AP3D1: variants seen among roughly 807,000 people sequenced by gnomAD.
AP3D1 encodes the protein adaptor related protein complex 3 subunit delta 1.
AP3D1 carries 51 observed loss-of-function variants against 147.6 expected under a neutral mutation model. The observed-to-expected ratio is 0.35, with a 90% CI of 0.28 to 0.44. AP3D1 has a LOEUF of 0.44. Among genes scored for constraint, AP3D1 ranks in the 20% least tolerant of loss-of-function variants. AP3D1 has a pLI of 1.00. For missense variants in AP3D1, 1,421 were observed against 1,624.2 expected (o/e 0.87, Z 2.15); for synonymous variants, 760 against 663.0 (o/e 1.15, Z -2.25).
intron 11 of AP3D1, among the ~76,000 whole-genome samples, chr19:2,122,386 T>G (rs1329288863): frequency 6.6e-6 from 1 of 152,110 alleles, no homozygotes; most frequent in East Asian, 1.9e-4. Flanking sequence ...CTGAACCCAT[T>G]CACATACTGC....
At chr19:2,132,854 T>G (rs1350478747) in intron 4 of AP3D1, among the ~76,000 whole-genome samples, 1 of 152,130 alleles carries the variant, frequency 6.6e-6, no homozygotes, top group Non-Finnish European at 1.5e-5. Context: ...AGGCACAGGC[T>G]GAAACGCTCT....
At chr19:2,115,063 C>G (rs77750904) in intron 20 of AP3D1, among the ~76,000 whole-genome samples, 156 bp downstream of exon 20, 1 of 152,184 alleles carries the variant, frequency 6.6e-6, no homozygotes, top group Non-Finnish European at 1.5e-5. Context: ...GACGCGTGCT[C>G]GAGGACAGAG....
rs772867835 is a variant in AP3D1, at chr19:2,114,223, G to C, written c.2503C>G (p.Pro835Ala). ...ETSKSPEKDV[P>A]MVEKKSKKPK... Reference sequence around the variant, plus strand: ...TTCTTGCTCTTCTTTTCTACCATGGGAACGTCCTTCTCAGGGGATTTTGAG... The same window carrying C: ...TTCTTGCTCTTCTTTTCTACCATGGCAACGTCCTTCTCAGGGGATTTTGAG... The change falls in exon 22 of 32, where the codon CCC becomes GCC. Residue 835 changes from proline to alanine, a missense_variant. Around this residue, in one of 6 missense-constraint regions of AP3D1, gnomAD observed 791 missense variants for 761.4 expected, o/e 1.04. Coordinates refer to ENST00000643116, the MANE Select transcript of AP3D1 (RefSeq NM_001261826.3). 6.2e-7 allele frequency: 1 copy of C among 1,612,494 alleles called. No homozygotes were observed. Among genetic ancestry groups the C allele is most frequent in the South Asian group, 1.1e-5 (1 of 90,948 alleles).
rs1362186675 is a variant in AP3D1 at position 2,137,626 on chromosome 19, A to C, written c.273+101T>G. ...AATCCACCTTGGGTAACAGAGCTAG[A>C]CTCTGTCTCAAGAATAATAATAATA... On this transcript the variant is annotated intron_variant, in intron 3 of 31. Transcript: ENST00000643116. The C allele has an allele frequency of 2.9e-6, 3 of 1,023,362 alleles. No individual in the cohort carries two copies. The East Asian group carries it at 7.2e-5, about 25-fold the overall frequency. 63.4% of individuals were successfully genotyped at this position (1,023,362 alleles called of 1,614,324 possible).
intron 29 of AP3D1, 64 bp downstream of exon 29, chr19:2,109,809 G>A (rs2018215396): frequency 6.8e-7 from 1 of 1,476,956 alleles, no homozygotes; most frequent in South Asian, 1.1e-5. Context: ...GGGCACAGGT[G>A]TCTGCAAGGT....
At chr19:2,155,675 C>G (rs2019639631), upstream of AP3D1, among the ~76,000 whole-genome samples, 1 of 152,118 alleles carries the variant, frequency 6.6e-6, no homozygotes, top group African/African-American at 2.4e-5. Flanking sequence ...CTCCTCCCAC[C>G]TGAACACAAA....
intron 5 of AP3D1, among the ~76,000 whole-genome samples, chr19:2,131,620 G>A (rs1251790675): frequency 7.3e-6 from 1 of 137,284 alleles, no homozygotes; most frequent in African/African-American, 3.0e-5. Context: ...CGCGGGGACA[G>A]CGCCCATCGG....
At chr19:2,112,781 G>A (rs542461450) in intron 24 of AP3D1, 79 bp downstream of exon 24, 61 of 1,175,604 alleles carry the variant, frequency 5.2e-5, no homozygotes, top group Non-Finnish European at 6.5e-5. Flanking sequence ...CCTGGGTGGC[G>A]GAAGCTGTGT....
Position 2,151,341 on chromosome 19 carries a change from G to T in AP3D1, c.-7C>A, listed in dbSNP as rs1272939642. ...TCACCATCTTGAGGGCCATCGCGGC[G>T]GCCCACGGGCTTTTGCCTCGGGAGG... On this transcript the variant is annotated 5_prime_UTR_variant, in exon 1 of 32. Transcript: ENST00000643116. The T allele has an allele frequency of 6.4e-7, 1 of 1,556,682 alleles. No individual in the cohort carries two copies. The highest frequency in any genetic ancestry group is 2.5e-5 in the East Asian group (1 of 39,408).
intron 14 of AP3D1, among the ~76,000 whole-genome samples, chr19:2,119,120 G>A (rs1252446414): frequency 6.6e-6 from 1 of 152,364 alleles, no homozygotes; most frequent in African/African-American, 2.4e-5. Flanking sequence ...GGCCCTGGGA[G>A]GATAAGCAGG....
At chr19:2,141,283 A>C (rs2019212896) in intron 1 of AP3D1, among the ~76,000 whole-genome samples, 1 of 152,074 alleles carries the variant, frequency 6.6e-6, no homozygotes, top group Non-Finnish European at 1.5e-5. Flanking sequence ...AGCAAGTGAG[A>C]TACTAAAACA....
rs62128404 is a variant in AP3D1, at chr19:2,144,599, G to A, written c.97-5885C>T. ...AGCCTGGATGTCTGTGGGGTGGCACGGTCACCATTAAAACCCTCTGAGTCA... is the reference window on the plus strand; with the variant it reads ...AGCCTGGATGTCTGTGGGGTGGCACAGTCACCATTAAAACCCTCTGAGTCA... On this transcript the variant is annotated intron_variant, in intron 1 of 31. Transcript: ENST00000643116. Among the ~76,000 whole-genome samples the A allele has an allele frequency of 6.8e-3, 1,030 of 152,170 alleles. 5 individuals are homozygous for A. The highest frequency in any genetic ancestry group is 0.011 in the Non-Finnish European group (765 of 67,996).
Position 2,109,072 on chromosome 19 carries a change from C to T in AP3D1, c.3472+14G>A, listed in dbSNP as rs56150334. The T allele has an allele frequency of 0.15, 241,318 of 1,606,964 alleles. 19,352 individuals are homozygous for T. The highest frequency in any genetic ancestry group is 0.16 in the Non-Finnish European group (194,156 of 1,177,702). On this transcript the variant is annotated intron_variant, in intron 30 of 31. Coordinates refer to ENST00000643116, the MANE Select transcript of AP3D1 (RefSeq NM_001261826.3). ...AAAGCCCCGTGCAATCCATCAGCCC[C>T]TCACTCTCCTTACCGGAAAAATGGT...
At chr19:2,130,616 A>C in intron 5 of AP3D1, 79 bp from the exon 6 acceptor site, 1 of 1,584,342 alleles carries the variant, frequency 6.3e-7, no homozygotes, top group South Asian at 1.1e-5. Context: ...CGCCTCCTCC[A>C]CAGAGAGGAG....
At chr19:2,113,126 G>A in intron 23 of AP3D1, 159 bp from the exon 24 acceptor site, 1 of 638,526 alleles carries the variant, frequency 1.6e-6, no homozygotes, top group East Asian at 2.8e-5. Flanking sequence ...GAGCACAGAG[G>A]CCCTGGCTGT....
In AP3D1 at chr19:2,113,401, C is replaced by T; in HGVS notation, c.2614G>A (p.Asp872Asn). 1 of 1,474,218 alleles carries T rather than the reference C, an allele frequency of 6.8e-7. No individual in the cohort carries two copies. The highest frequency in any genetic ancestry group is 9.0e-7 in the Non-Finnish European group (1 of 1,114,864). 91.3% of individuals were successfully genotyped at this position (1,474,218 alleles called of 1,614,324 possible). A position where few individuals can be genotyped will look rare whatever the true frequency, so the allele number is the denominator to read the frequency against. ...GGTGGGGTGGTAGACAGCCAGAAGTCCAGGTCCTCAGCCTGAAACCACAAG... is the reference window on the plus strand; with the variant it reads ...GGTGGGGTGGTAGACAGCCAGAAGTTCAGGTCCTCAGCCTGAAACCACAAG... The part of the protein sequence containing the change: ...KEKEKKAEDL[D>N]FWLSTTPPPA... Residue 872 changes from aspartate (D) to asparagine (N), a missense_variant, in exon 23 of 32, where the codon GAC becomes AAC. Asp to Asn is a conservative substitution (Grantham distance 23). This residue lies in a region of AP3D1 where 791 missense variants were observed against 761.4 expected (regional missense o/e 1.04). Transcript: ENST00000643116.
At chr19:2,154,478 C>T (rs1397970742), upstream of AP3D1, among the ~76,000 whole-genome samples, 1 of 152,074 alleles carries the variant, frequency 6.6e-6, no homozygotes. Flanking sequence ...AGGGTTTCAC[C>T]ATGTTGGCCA....
intron 1 of AP3D1, among the ~76,000 whole-genome samples, chr19:2,141,292 C>G (rs539797822): frequency 6.6e-6 from 1 of 152,218 alleles, no homozygotes; most frequent in African/African-American, 2.4e-5. Flanking sequence ...GATACTAAAA[C>G]AATGATGCTG....
intron 1 of AP3D1, among the ~76,000 whole-genome samples, chr19:2,162,336 CCT>C (rs1286754803): frequency 3.6e-5 from 5 of 139,022 alleles, no homozygotes; most frequent in Non-Finnish European, 6.4e-5. Context: ...GCACCCGGCC[CCT>C]GTTGAGATCT....
Sources: gnomAD v4.1 joint callset for allele counts (sites outside exome capture counted in the v4.1 genomes callset) on GRCh38, gnomAD v4.1.1 for gene constraint, gnomAD v4.1.1 regional missense constraint, MANE v1.5 for transcripts, NCBI Gene and HGNC (gene_info 2026-07-23, HGNC 2026-07-21) for gene names.